ERCC6L2: variants seen among roughly 807,000 people sequenced by gnomAD.
ERCC6L2 encodes ERCC excision repair 6 like 2, also known as DNA excision repair protein ERCC-6-like 2.
ERCC6L2 carries 77 observed loss-of-function variants against 132.0 expected under a neutral mutation model. The observed-to-expected ratio is 0.58, with a 90% CI of 0.49 to 0.71. The LOEUF (loss-of-function observed/expected upper bound fraction) is 0.71, where lower values mean the gene tolerates loss of function less well. Ranked by LOEUF, ERCC6L2 falls within the 30% of genes least tolerant of loss-of-function variation. The pLI, the probability that ERCC6L2 is intolerant of heterozygous loss-of-function variation, is 0.00. For synonymous variants in ERCC6L2, 583 were observed against 632.4 expected (o/e 0.92, Z 1.17); for missense variants, 1,542 against 1,837.6 (o/e 0.84, Z 2.94).
chr9:96,010,209 G>T (rs1833981954), intron 18 of ERCC6L2, among the ~76,000 whole-genome samples: 2 of 152,168 alleles, frequency 1.3e-5, no homozygotes, highest in Non-Finnish European at 2.9e-5. Flanking sequence ...GATGAAAGTG[G>T]CTGTTGATCA....
At chr9:95,880,817 G>A in intron 1 of ERCC6L2, 52 bp from the exon 2 acceptor site, 2 of 1,487,504 alleles carry the variant, frequency 1.3e-6, no homozygotes, top group African/African-American at 1.4e-5. Context: ...GAATAAATGA[G>A]GTGTTACTTT....
chr9:95,886,222 G>A (rs1827859347), intron 2 of ERCC6L2, among the ~76,000 whole-genome samples: 1 of 152,066 alleles, frequency 6.6e-6, no homozygotes, highest in African/African-American at 2.4e-5. Flanking sequence ...TTCCCGAGTT[G>A]CCCAGGCTGG....
intron 18 of ERCC6L2, among the ~76,000 whole-genome samples, chr9:96,005,420 A>G (rs997686210): frequency 2.0e-5 from 3 of 152,116 alleles, no homozygotes; most frequent in African/African-American, 7.2e-5. Flanking sequence ...ATGATGTGTT[A>G]TAAGAAAAAA....
At chr9:96,032,486 C>T (rs1431804909) in intron 19 of ERCC6L2, among the ~76,000 whole-genome samples, 1 of 152,194 alleles carries the variant, frequency 6.6e-6, no homozygotes, top group Admixed American at 6.5e-5. Flanking sequence ...TTTACCTTTG[C>T]CTCGATCCAG....
At chr9:95,973,866 A>G (rs1287465486) in intron 16 of ERCC6L2, among the ~76,000 whole-genome samples, 2 of 152,118 alleles carry the variant, frequency 1.3e-5, no homozygotes, top group Non-Finnish European at 2.9e-5. Flanking sequence ...ATTGCCTTAC[A>G]ATGTAACTAT....
At chr9:96,027,509 C>G (rs1186006169) in intron 19 of ERCC6L2, among the ~76,000 whole-genome samples, 4 of 152,230 alleles carry the variant, frequency 2.6e-5, no homozygotes, top group Non-Finnish European at 2.9e-5. Context: ...GAAGGCGGCC[C>G]GGTTGGAAAG....
intron 4 of ERCC6L2, among the ~76,000 whole-genome samples, chr9:95,914,256 A>T (rs531900490): frequency 2.0e-5 from 3 of 152,152 alleles, no homozygotes; most frequent in Non-Finnish European, 4.4e-5. Context: ...GAATTTTTTA[A>T]TGTGCTTATT....
In ERCC6L2 at chr9:96,014,811, C is replaced by T. The variant is rs576313091; in HGVS notation, c.*1608C>T. Among the ~76,000 whole-genome samples, 48 of 152,258 alleles carry T rather than the reference C, an allele frequency of 3.2e-4. No individual in the cohort carries two copies. Among genetic ancestry groups the T allele is most frequent in the Middle Eastern group, 6.8e-3 (2 of 294 alleles). ...TTTTGCCATTGAGGGGCCTTCTACA[C>T]AATGAGTGCATGATATGGTCCTTGA... On this transcript the variant is annotated 3_prime_UTR_variant, in exon 19 of 19. Transcript: ENST00000653738.
At chr9:95,896,453 G>C (rs977735645) in intron 2 of ERCC6L2, among the ~76,000 whole-genome samples, 13 of 143,306 alleles carry the variant, frequency 9.1e-5, no homozygotes, top group Admixed American at 3.5e-4. Flanking sequence ...ACAGGGTCTT[G>C]CTGTGTGGCC....
At chr9:96,023,646 G>A (rs950528505) in intron 19 of ERCC6L2, among the ~76,000 whole-genome samples, 5 of 152,226 alleles carry the variant, frequency 3.3e-5, no homozygotes, top group East Asian at 1.9e-4. Flanking sequence ...TCAGCACTGC[G>A]CTCCTCCAGT....
At chr9:95,894,923 G>A (rs1169942745) in intron 2 of ERCC6L2, among the ~76,000 whole-genome samples, 3 of 152,104 alleles carry the variant, frequency 2.0e-5, no homozygotes, top group Non-Finnish European at 4.4e-5. Context: ...TAACTATTTC[G>A]TGGGTACTTA....
At chr9:95,946,860 T>C (rs1160985910) in intron 12 of ERCC6L2, among the ~76,000 whole-genome samples, 1 of 152,168 alleles carries the variant, frequency 6.6e-6, no homozygotes, top group Non-Finnish European at 1.5e-5. Context: ...AAGTTACTAT[T>C]GTATTTGTTT....
chr9:96,009,349 T>A (rs2133216318), intron 18 of ERCC6L2, among the ~76,000 whole-genome samples: 1 of 152,286 alleles, frequency 6.6e-6, no homozygotes. Flanking sequence ...CACCCTCTTT[T>A]CCATTAACTG....
At chr9:96,034,332 A>G (rs1445642639) in intron 19 of ERCC6L2, among the ~76,000 whole-genome samples, 3 of 152,190 alleles carry the variant, frequency 2.0e-5, no homozygotes, top group Non-Finnish European at 2.9e-5. Flanking sequence ...ATGTAGGTGG[A>G]AGACACAAAC....
intron 17 of ERCC6L2, among the ~76,000 whole-genome samples, chr9:95,988,143 C>A (rs1244419756): frequency 6.6e-6 from 1 of 152,232 alleles, no homozygotes; most frequent in African/African-American, 2.4e-5. Flanking sequence ...AGGTCTCTGA[C>A]ATACCCTGGA....
chr9:96,000,777 T>TGA (rs1833641404), intron 17 of ERCC6L2, among the ~76,000 whole-genome samples: 1 of 152,218 alleles, frequency 6.6e-6, no homozygotes, highest in African/African-American at 2.4e-5. Context: ...CAAGACCCCA[T>TGA]GTCTATAAAA....
rs1194310122 is a variant in ERCC6L2 at position 95,972,533 on chromosome 9, T to A, written c.2782T>A (p.Ser928Thr). The A allele has an allele frequency of 8.5e-6, 11 of 1,289,830 alleles. No homozygotes were observed. The highest frequency in any genetic ancestry group is 2.0e-6 in the Non-Finnish European group (2 of 988,904). 79.9% of individuals were successfully genotyped at this position (1,289,830 alleles called of 1,614,324 possible). ...SIRFKPPLEG[S>T]EDSETEHTVK... Reference sequence around the variant, plus strand: ...AAGGTTTAAGCCACCCTTGGAAGGATCTGAGGATTCTGAAACAGAACACAC... The same window carrying A: ...AAGGTTTAAGCCACCCTTGGAAGGAACTGAGGATTCTGAAACAGAACACAC... The change falls in exon 16 of 19, where the codon TCT becomes ACT. Residue 928 changes from serine to threonine, a missense_variant. Ser to Thr is a moderately conservative substitution (Grantham distance 58). This residue lies in a region of ERCC6L2 where 945 missense variants were observed against 1,105.2 expected (regional missense o/e 0.86). Transcript: ENST00000653738.
At chr9:95,906,267 T>A (rs929047952) in intron 3 of ERCC6L2, among the ~76,000 whole-genome samples, 3 of 152,194 alleles carry the variant, frequency 2.0e-5, no homozygotes, top group Non-Finnish European at 4.4e-5. Context: ...AAAGAAGTTT[T>A]AAAAAATTTT....
At chr9:96,022,373 G>T (rs992426987), downstream of ERCC6L2, among the ~76,000 whole-genome samples, 1 of 152,220 alleles carries the variant, frequency 6.6e-6, no homozygotes, top group African/African-American at 2.4e-5. Context: ...CGGCTGGCAG[G>T]TATGAAGCCC....
Sources: allele counts gnomAD v4.1 joint callset (sites outside exome capture counted in the v4.1 genomes callset), GRCh38; gene constraint gnomAD v4.1.1; regional missense constraint gnomAD v4.1.1; transcripts MANE v1.5; gene names NCBI Gene and HGNC (gene_info 2026-07-23, HGNC 2026-07-21).